The following RFPL1 variants were observed in gnomAD, a reference collection of about 807,000 sequenced individuals.
The protein encoded by RFPL1 is ret finger protein-like 1.
A neutral mutation model predicts 9.6 loss-of-function variants in RFPL1; 6 were observed. That is an observed-to-expected ratio of 0.62 (90% CI 0.34 to 1.23). The LOEUF is 1.23. Among genes scored for constraint, RFPL1 ranks in the 50% most tolerant of loss-of-function variants. The pLI is 0.03. For missense variants in RFPL1, 352 were observed against 398.4 expected (o/e 0.88, Z 0.99); for synonymous variants, 145 against 149.4 (o/e 0.97, Z 0.22).
chr22:29,441,433 AGAG>A, intron 1 of RFPL1, 106 bp from the exon 2 acceptor site: 2 of 1,320,114 alleles, frequency 1.5e-6, no homozygotes, highest in Non-Finnish European at 2.1e-6. Context: ...TGGGGGAAGA[AGAG>A]AATTAAAGAA....
chr22:29,410,597 A>C, the RFPL1 span, among the ~76,000 whole-genome samples: 60 of 98,446 alleles, frequency 6.1e-4, no homozygotes, highest in African/African-American at 2.7e-3. Context: ...CTATATATAG[A>C]TATATATAGA....
At chr22:29,436,057 G>A (rs975363503), upstream of RFPL1, among the ~76,000 whole-genome samples, 1 of 152,068 alleles carries the variant, frequency 6.6e-6, no homozygotes, top group Non-Finnish European at 1.5e-5. Flanking sequence ...GTAAGGGGCA[G>A]GGGAGCTTGG....
At chr22:29,406,086 G>A in the RFPL1 span, among the ~76,000 whole-genome samples, 6 of 110,286 alleles carry the variant, frequency 5.4e-5, no homozygotes, top group African/African-American at 1.0e-4. Context: ...TCCGCAGTCC[G>A]GCCTGGGGGA....
At chr22:29,422,798 A>AACAC in the RFPL1 span, among the ~76,000 whole-genome samples, 4 of 113,744 alleles carry the variant, frequency 3.5e-5, no homozygotes, top group Admixed American at 2.5e-4. Flanking sequence ...CATGGACGGA[A>AACAC]ACACACACAT....
the RFPL1 span, among the ~76,000 whole-genome samples, chr22:29,412,546 C>G: frequency 2.0e-5 from 3 of 152,136 alleles, no homozygotes; most frequent in African/African-American, 7.2e-5. Context: ...TCTTCAGTAT[C>G]AAACTTGGGG....
At chr22:29,441,212 T>A (rs1359464739) in intron 1 of RFPL1, 1 of 333,942 alleles carries the variant, frequency 3.0e-6, no homozygotes, top group Non-Finnish European at 5.5e-6. Context: ...TAATTATCAT[T>A]CATTTTTTCA....
chr22:29,439,403 G>T lies in RFPL1; in HGVS notation c.373+239G>T, dbSNP rs903644973. 4 of 587,844 alleles carry T rather than the reference G, an allele frequency of 6.8e-6. No homozygotes were observed. The East Asian group carries it at 1.2e-4, about 18-fold the overall frequency. The allele number at this position is 587,844 out of a possible 1,614,324, so 36.4% of individuals were successfully genotyped here. On this transcript the variant is annotated intron_variant, in intron 1 of 1. Coordinates refer to ENST00000354373, the Ensembl canonical transcript of RFPL1. ...AATGTCAGCACTTTGGGAGGCCGAG[G>T]CGGGTGGATCACGAGGTCAGGAGAT...
chr22:29,395,610 C>G, the RFPL1 span, among the ~76,000 whole-genome samples: 1 of 152,212 alleles, frequency 6.6e-6, no homozygotes, highest in Non-Finnish European at 1.5e-5. Flanking sequence ...ACCACAGGCT[C>G]CCTCTTGAAG....
chr22:29,389,812 G>C, the RFPL1 span, among the ~76,000 whole-genome samples: 1 of 147,984 alleles, frequency 6.8e-6, no homozygotes, highest in Non-Finnish European at 1.5e-5. Flanking sequence ...TTGTTTGTTT[G>C]TTTTGAGACA....
chr22:29,417,101 T>C, the RFPL1 span, among the ~76,000 whole-genome samples: 1 of 152,012 alleles, frequency 6.6e-6, no homozygotes, highest in Non-Finnish European at 1.5e-5. Context: ...AATGTATGTG[T>C]CACCTTGGAA....
chr22:29,424,542 T>G, the RFPL1 span, among the ~76,000 whole-genome samples: 3 of 151,726 alleles, frequency 2.0e-5, no homozygotes, highest in African/African-American at 7.3e-5. Context: ...GTGGCTGGGC[T>G]GGGAGACCAT....
At chr22:29,422,808 TAC>T in the RFPL1 span, among the ~76,000 whole-genome samples, 3 of 150,072 alleles carry the variant, frequency 2.0e-5, no homozygotes, top group South Asian at 2.1e-4. Context: ...AACACACACA[TAC>T]ACACACACAC....
the RFPL1 span, among the ~76,000 whole-genome samples, chr22:29,405,471 G>A: frequency 1.3e-5 from 2 of 152,216 alleles, no homozygotes; most frequent in Admixed American, 1.3e-4. Context: ...GCTAATCAAA[G>A]TGAAGACGCA....
chr22:29,410,056 C>A, the RFPL1 span, among the ~76,000 whole-genome samples: 1 of 151,446 alleles, frequency 6.6e-6, no homozygotes, highest in South Asian at 2.1e-4. Flanking sequence ...ATTCGGGGGG[C>A]CAGTGACTTG....
At chr22:29,439,637 A>C (rs952187266) in intron 1 of RFPL1, 1 of 159,232 alleles carries the variant, frequency 6.3e-6, no homozygotes, top group Non-Finnish European at 1.4e-5. Flanking sequence ...CCGTCTCAAA[A>C]AAAAAAACCT....
chr22:29,399,838 A>G, the RFPL1 span, among the ~76,000 whole-genome samples: 1 of 151,250 alleles, frequency 6.6e-6, no homozygotes, highest in Non-Finnish European at 1.5e-5. Flanking sequence ...TTTTCTTTTA[A>G]CTCTTTGAGG....
At chr22:29,429,087 G>T in the RFPL1 span, among the ~76,000 whole-genome samples, 228 of 152,200 alleles carry the variant, frequency 1.5e-3, no homozygotes, top group African/African-American at 5.3e-3. Flanking sequence ...ATAGGGTCTC[G>T]CTCTGTCACC....
exon 1 of RFPL1, chr22:29,438,932 A>G (rs529417854): frequency 8.4e-5 from 135 of 1,613,716 alleles, no homozygotes; most frequent in South Asian, 7.6e-4. Context: ...CAGACTATCT[A>G]GAGAAACCAA....
the RFPL1 span, among the ~76,000 whole-genome samples, chr22:29,429,965 T>C: frequency 1.3e-5 from 2 of 152,188 alleles, no homozygotes; most frequent in Non-Finnish European, 2.9e-5. Context: ...GTCTCTCTTT[T>C]ATTTCTATTT....
Sources: allele counts gnomAD v4.1 joint callset (sites outside exome capture counted in the v4.1 genomes callset), GRCh38; gene constraint gnomAD v4.1.1; transcripts MANE v1.5; gene names NCBI Gene and HGNC (gene_info 2026-07-23, HGNC 2026-07-21).